The following SRBD1 variants were observed in gnomAD, a reference collection of about 807,000 sequenced individuals.
The protein encoded by SRBD1 is S1 RNA-binding domain-containing protein 1.
In SRBD1, 88 loss-of-function variants were observed where a neutral mutation model predicts 115.3. That is an observed-to-expected ratio of 0.76 (90% CI 0.64 to 0.91). SRBD1 has a LOEUF of 0.91. SRBD1 is among the 40% of genes least tolerant of loss of function. The pLI is 0.00. For missense variants in SRBD1, 1,385 were observed against 1,177.4 expected (o/e 1.18, Z -2.58); for synonymous variants, 509 against 407.7 (o/e 1.25, Z -2.99).
At chr2:45,436,672 G>C (rs1403628093) in intron 16 of SRBD1, among the ~76,000 whole-genome samples, 1 of 152,112 alleles carries the variant, frequency 6.6e-6, no homozygotes, top group Non-Finnish European at 1.5e-5. Flanking sequence ...GATCTTGTTA[G>C]AATTTACTCA....
chr2:45,605,919 AG>A (rs1268179203), intron 1 of SRBD1, among the ~76,000 whole-genome samples: 6 of 151,178 alleles, frequency 4.0e-5, no homozygotes, highest in Non-Finnish European at 1.5e-5. Context: ...AAAAAAAAAA[AG>A]AAAAAAAAAG....
chr2:45,443,662 A>T (rs935973965), intron 16 of SRBD1, among the ~76,000 whole-genome samples: 4 of 152,130 alleles, frequency 2.6e-5, no homozygotes, highest in African/African-American at 9.7e-5. Context: ...ACTTTGGCAG[A>T]CAGGCAGGGT....
At chr2:45,580,125 T>C in intron 6 of SRBD1, 112 bp from the exon 7 acceptor site, 1 of 876,124 alleles carries the variant, frequency 1.1e-6, no homozygotes, top group Non-Finnish European at 1.6e-6. Flanking sequence ...CTTTTCTCAA[T>C]CTTTTCCTCT....
intron 14 of SRBD1, among the ~76,000 whole-genome samples, chr2:45,494,556 C>T (rs1392116415): frequency 6.6e-6 from 1 of 152,162 alleles, no homozygotes; most frequent in Non-Finnish European, 1.5e-5. Flanking sequence ...CTTTTACACA[C>T]AGGCCATTTA....
intron 5 of SRBD1, among the ~76,000 whole-genome samples, chr2:45,584,313 T>C (rs1348726707): frequency 6.6e-6 from 1 of 152,258 alleles, no homozygotes; most frequent in African/African-American, 2.4e-5. Context: ...TCTCCAATTC[T>C]TATTCCCCAT....
chr2:45,534,570 T>C (rs978071011), intron 14 of SRBD1, among the ~76,000 whole-genome samples: 1 of 152,020 alleles, frequency 6.6e-6, no homozygotes, highest in African/African-American at 2.4e-5. Context: ...GAAAACAATT[T>C]AGGCTATCCC....
chr2:45,579,639 T>G (rs1015619899), intron 7 of SRBD1, among the ~76,000 whole-genome samples: 4 of 151,834 alleles, frequency 2.6e-5, no homozygotes, highest in Admixed American at 2.6e-4. Context: ...AATAATAATT[T>G]TAAAAAGAAC....
Position 45,419,914 on chromosome 2 carries a change from A to G in SRBD1, c.2050-20T>C, listed in dbSNP as rs1667947385. ...GTCATGCTGAAAAGACAAAGATCAA[A>G]TATTAACAGTGAAGGAGATGTAGTT... On this transcript the variant is annotated intron_variant, in intron 16 of 20. Transcript: ENST00000263736. 1 of 1,597,772 alleles carries G rather than the reference A, an allele frequency of 6.3e-7. No homozygotes were observed.
chr2:45,491,774 T>A (rs569390775), intron 14 of SRBD1, among the ~76,000 whole-genome samples: 23 of 152,342 alleles, frequency 1.5e-4, no homozygotes, highest in African/African-American at 5.3e-4. Flanking sequence ...GCATTCACTT[T>A]CAAATTTTTT....
At chr2:45,603,167 TA>T (rs1674154244) in intron 2 of SRBD1, among the ~76,000 whole-genome samples, 1 of 152,244 alleles carries the variant, frequency 6.6e-6, no homozygotes, top group East Asian at 1.9e-4. Context: ...GATTACTGAC[TA>T]ACCCTATTTC....
intron 16 of SRBD1, among the ~76,000 whole-genome samples, chr2:45,421,686 C>T (rs1229561209): frequency 2.0e-5 from 3 of 152,012 alleles, no homozygotes; most frequent in Non-Finnish European, 4.4e-5. Flanking sequence ...CAGGAGACTT[C>T]TCTTTACCCA....
intron 14 of SRBD1, among the ~76,000 whole-genome samples, chr2:45,520,814 C>G (rs1671260026): frequency 6.6e-6 from 1 of 152,186 alleles, no homozygotes; most frequent in Non-Finnish European, 1.5e-5. Flanking sequence ...AGCTCCCATC[C>G]ATCTGGCTGA....
intron 19 of SRBD1, among the ~76,000 whole-genome samples, chr2:45,412,552 C>A (rs1353926044): frequency 6.6e-6 from 1 of 152,012 alleles, no homozygotes; most frequent in Non-Finnish European, 1.5e-5. Context: ...TGTAGCAAGT[C>A]ACTGTTTTTG....
chr2:45,529,353 C>G (rs565814829), intron 14 of SRBD1, among the ~76,000 whole-genome samples: 1 of 151,832 alleles, frequency 6.6e-6, no homozygotes, highest in South Asian at 2.1e-4. Context: ...AGAGTAGAAA[C>G]AAATCAAACC....
chr2:45,531,828 T>A (rs1394001428), intron 14 of SRBD1, among the ~76,000 whole-genome samples: 1 of 151,776 alleles, frequency 6.6e-6, no homozygotes, highest in Admixed American at 6.6e-5. Flanking sequence ...TCAGACTCAG[T>A]TTCCCACTTT....
At chr2:45,592,314 T>C (rs567876484) in intron 4 of SRBD1, among the ~76,000 whole-genome samples, 4 of 152,214 alleles carry the variant, frequency 2.6e-5, no homozygotes, top group African/African-American at 9.6e-5. Flanking sequence ...AGATGGGCTA[T>C]GTACAACTTC....
intron 14 of SRBD1, among the ~76,000 whole-genome samples, chr2:45,516,409 C>T (rs1041222989): frequency 2.0e-5 from 3 of 152,108 alleles, no homozygotes; most frequent in Non-Finnish European, 2.9e-5. Context: ...AGATACTATT[C>T]GGCCATCCTT....
At chr2:45,516,324 G>T (rs1317606468) in intron 14 of SRBD1, among the ~76,000 whole-genome samples, 2 of 152,154 alleles carry the variant, frequency 1.3e-5, no homozygotes, top group African/African-American at 2.4e-5. Flanking sequence ...GGTGGGATCT[G>T]TGTGCTTAAT....
At chr2:45,403,321 T>A (rs1411959085) in intron 19 of SRBD1, among the ~76,000 whole-genome samples, 1 of 112,036 alleles carries the variant, frequency 8.9e-6, no homozygotes, top group Admixed American at 8.6e-5. Flanking sequence ...CACAGCCAGT[T>A]TAGATTATAC....
Sources: allele counts gnomAD v4.1 joint callset (sites outside exome capture counted in the v4.1 genomes callset), GRCh38; gene constraint gnomAD v4.1.1; transcripts MANE v1.5; gene names NCBI Gene and HGNC (gene_info 2026-07-23, HGNC 2026-07-21).